The following PDIA6 variants were observed in gnomAD, a reference collection of about 807,000 sequenced individuals.
The protein encoded by PDIA6 is protein disulfide-isomerase A6.
PDIA6 carries 29 observed loss-of-function variants against 58.4 expected under a neutral mutation model. The ratio of observed to expected loss-of-function variants is 0.50; its 90% CI spans 0.37 to 0.68. The LOEUF (loss-of-function observed/expected upper bound fraction) is 0.68, where lower values mean the gene tolerates loss of function less well. PDIA6 is among the 30% of genes least tolerant of loss of function. PDIA6 has a pLI of 0.00. For missense variants in PDIA6, 480 were observed against 551.0 expected (o/e 0.87, Z 1.29); for synonymous variants, 192 against 202.6 (o/e 0.95, Z 0.44).
chr2:10,803,045 A>G (rs762399233), intron 1 of PDIA6, among the ~76,000 whole-genome samples: 1 of 152,202 alleles, frequency 6.6e-6, no homozygotes, highest in African/African-American at 2.4e-5. Context: ...ATCATTCCTC[A>G]TGTTATTCAG....
At chr2:10,835,419 T>C (rs772235410), upstream of PDIA6, among the ~76,000 whole-genome samples, 39 of 151,196 alleles carry the variant, frequency 2.6e-4, no homozygotes, top group Admixed American at 7.9e-4. Context: ...ATCCGGGGCG[T>C]ATTCCTTCCA....
Position 10,793,145 on chromosome 2 carries a change from A to G in PDIA6, c.404T>C (p.Val135Ala). 1 of 1,614,166 alleles carries G rather than the reference A, an allele frequency of 6.2e-7. No homozygotes were observed. Among genetic ancestry groups the G allele is most frequent in the Non-Finnish European group, 8.5e-7 (1 of 1,179,988 alleles). The change falls in exon 5 of 13, where the codon GTG (valine) becomes GCG (alanine). Residue 135 changes from valine to alanine, a missense_variant. Coordinates refer to ENST00000272227, the MANE Select transcript of PDIA6 (RefSeq NM_005742.4). ...DAALSALRQL[V>A]KDRLGGRSGG... ...GCTCCGTCCCCCGAGGCGATCCTTC[A>G]CGAGCTGGCGCAGAGCACTCAGCGC...
chr2:10,790,908 G>C, intron 6 of PDIA6, 75 bp from the exon 7 acceptor site: 1 of 1,076,596 alleles, frequency 9.3e-7, no homozygotes, highest in Admixed American at 1.8e-5. Context: ...GGAGTGCAGT[G>C]GTGCAATCAT....
chr2:10,827,142 C>T (rs1010350512), intron 1 of PDIA6, among the ~76,000 whole-genome samples: 17 of 152,208 alleles, frequency 1.1e-4, no homozygotes, highest in Admixed American at 3.9e-4. Flanking sequence ...CGGCTCACTG[C>T]AACCTCCGCC....
chr2:10,784,360 C>T, intron 12 of PDIA6, 34 bp from the exon 13 acceptor site: 2 of 1,547,884 alleles, frequency 1.3e-6, no homozygotes, highest in Non-Finnish European at 1.8e-6. Flanking sequence ...GTTAGATCTG[C>T]AGAAGGGGAC....
chr2:10,825,832 T>C (rs2148580021), intron 1 of PDIA6, among the ~76,000 whole-genome samples: 1 of 152,364 alleles, frequency 6.6e-6, no homozygotes, highest in South Asian at 2.1e-4. Flanking sequence ...ATAACAAGTG[T>C]TGGTGAAGAG....
At chr2:10,786,045 A>G (rs1029553739) in intron 11 of PDIA6, among the ~76,000 whole-genome samples, 4 of 151,752 alleles carry the variant, frequency 2.6e-5, no homozygotes, top group Non-Finnish European at 5.9e-5. Context: ...CCCCTTGGCC[A>G]GGCGTGGTGG....
At chr2:10,796,277 T>G (rs1386006478) in intron 4 of PDIA6, among the ~76,000 whole-genome samples, 1 of 152,020 alleles carries the variant, frequency 6.6e-6, no homozygotes, top group Non-Finnish European at 1.5e-5. Flanking sequence ...ATGGTCTCGA[T>G]CTCCTGACCT....
intron 4 of PDIA6, among the ~76,000 whole-genome samples, chr2:10,794,464 C>CT (rs1666178375): frequency 3.0e-5 from 1 of 33,492 alleles, no homozygotes; most frequent in African/African-American, 6.2e-5. Context: ...AAAAAAAAAT[C>CT]TTTCTTTTTT....
At chr2:10,814,675 T>G (rs1234022135), upstream of PDIA6, among the ~76,000 whole-genome samples, 1 of 152,232 alleles carries the variant, frequency 6.6e-6, no homozygotes, top group African/African-American at 2.4e-5. Context: ...GATGGAGGAA[T>G]TTAATTCTCT....
chr2:10,825,536 G>C (rs1667530126), intron 1 of PDIA6, among the ~76,000 whole-genome samples: 2 of 152,280 alleles, frequency 1.3e-5, no homozygotes, highest in South Asian at 2.1e-4. Flanking sequence ...TCAAGGAAGT[G>C]ACAACACACA....
At chr2:10,831,714 C>T (rs1461263803) in intron 1 of PDIA6, among the ~76,000 whole-genome samples, 1 of 152,144 alleles carries the variant, frequency 6.6e-6, no homozygotes, top group Non-Finnish European at 1.5e-5. Context: ...TCTCCTTCAT[C>T]GCGTGATTGT....
In PDIA6 at chr2:10,791,909, G is replaced by A. The variant is rs1338830157; in HGVS notation, c.470C>T (p.Ser157Leu). 1.2e-6 allele frequency: 2 copies of A among 1,613,910 alleles called. No homozygotes were observed. Among genetic ancestry groups the A allele is most frequent in the East Asian group, 4.5e-5 (2 of 44,878 alleles). Residue 157 changes from serine to leucine, a missense_variant, in exon 6 of 13, where the codon TCA becomes TTA. By Grantham distance (145) the Ser-to-Leu change is moderately radical. Coordinates refer to ENST00000272227, the MANE Select transcript of PDIA6 (RefSeq NM_005742.4). Reference protein sequence around the residue: ...SSGKQGRSDSSSKKDVIELTD... With the variant: ...SSGKQGRSDSLSKKDVIELTD... ...CAGCTCAATCACATCCTTCTTACTTGAACTATCACTTCTGCCCTGTCATTT... is the reference window on the plus strand; with the variant it reads ...CAGCTCAATCACATCCTTCTTACTTAAACTATCACTTCTGCCCTGTCATTT...
intron 1 of PDIA6, among the ~76,000 whole-genome samples, chr2:10,830,825 T>C (rs897002044): frequency 6.6e-6 from 1 of 152,112 alleles, no homozygotes; most frequent in Non-Finnish European, 1.5e-5. Context: ...GGAGCTGAGG[T>C]CTGCCTGGTG....
chr2:10,813,236 G>A (rs1303286758), upstream of PDIA6, among the ~76,000 whole-genome samples: 1 of 152,198 alleles, frequency 6.6e-6, no homozygotes, highest in Non-Finnish European at 1.5e-5. Flanking sequence ...ATATTCCGTG[G>A]ACACACATTT....
At chr2:10,822,207 G>C (rs1356501034) in intron 1 of PDIA6, among the ~76,000 whole-genome samples, 1 of 151,924 alleles carries the variant, frequency 6.6e-6, no homozygotes, top group Non-Finnish European at 1.5e-5. Context: ...CTAGAGTGTT[G>C]AGATTACAGG....
upstream of PDIA6, among the ~76,000 whole-genome samples, chr2:10,836,109 T>C (rs755733060): frequency 3.9e-5 from 6 of 151,998 alleles, no homozygotes; most frequent in Admixed American, 1.3e-4. Context: ...GATGATCCTA[T>C]TGGCCTCACT....
At position 10,793,216 on chromosome 2, in the gene PDIA6, A is replaced by AAGGT. The variant is rs767446204; in HGVS notation, c.347-18_347-15dup. On this transcript the variant is annotated splice_polypyrimidine_tract_variant and intron_variant, in intron 4 of 12. Transcript: ENST00000272227. ...CAGTTCTGCCACCTACAGGAGACGG[A>AAGGT]AGGTAGGCGGTCCTCAGCCCGGCCT... 44 of 1,554,392 alleles carry AAGGT rather than the reference A, an allele frequency of 2.8e-5. No homozygotes were observed. Among genetic ancestry groups the AAGGT allele is most frequent in the Middle Eastern group, 1.7e-4 (1 of 5,856 alleles).
At chr2:10,812,043 T>TG (rs1381893988) in intron 1 of PDIA6, among the ~76,000 whole-genome samples, 27 of 152,084 alleles carry the variant, frequency 1.8e-4, no homozygotes, top group Non-Finnish European at 3.8e-4. Flanking sequence ...TCTGAGTAGC[T>TG]GGGATCACTG....
Sources: gnomAD v4.1 joint callset for allele counts (sites outside exome capture counted in the v4.1 genomes callset) on GRCh38, gnomAD v4.1.1 for gene constraint, MANE v1.5 for transcripts, NCBI Gene and HGNC (gene_info 2026-07-23, HGNC 2026-07-21) for gene names.